The following CACNA2D2 variants were observed in gnomAD, a reference collection of about 807,000 sequenced individuals.
The protein encoded by CACNA2D2 is voltage-dependent calcium channel subunit alpha-2/delta-2.
A neutral mutation model predicts 166.4 loss-of-function variants in CACNA2D2; 48 were observed. That is an observed-to-expected ratio of 0.29 (90% CI 0.23 to 0.37). The LOEUF (loss-of-function observed/expected upper bound fraction) is 0.37. CACNA2D2 is among the 10% of genes least tolerant of loss of function. CACNA2D2 has a pLI of 1.00. For missense variants in CACNA2D2, 1,122 were observed against 1,433.0 expected (o/e 0.78, Z 3.50); for synonymous variants, 561 against 573.7 (o/e 0.98, Z 0.32).
intron 4 of CACNA2D2, among the ~76,000 whole-genome samples, chr3:50,393,400 G>C (rs1705981465): frequency 6.6e-6 from 1 of 152,232 alleles, no homozygotes; most frequent in Admixed American, 6.5e-5. Flanking sequence ...CTTGAATCCA[G>C]GAGGAGCCCT....
chr3:50,400,537 G>A (rs1706395099), intron 3 of CACNA2D2, among the ~76,000 whole-genome samples: 2 of 152,232 alleles, frequency 1.3e-5, no homozygotes, highest in African/African-American at 4.8e-5. Flanking sequence ...ACAACCTTCT[G>A]AGGGCATGTC....
In CACNA2D2 at chr3:50,365,686, G is replaced by A. The variant is rs762800194; in HGVS notation, c.2918C>T (p.Ser973Phe). ...LAWWTSAAAW[S>F]LFQQLLYGLI... ...GCCGTAGAGAAGCTGCTGGAACAGGGACCTGCAGCGCACGGGGAGCCGAGT... is the reference window on the plus strand; with the variant it reads ...GCCGTAGAGAAGCTGCTGGAACAGGAACCTGCAGCGCACGGGGAGCCGAGT... The change falls in exon 34 of 38, where the codon TCC becomes TTC. Residue 973 changes from serine to phenylalanine, a missense_variant and splice_region_variant. By Grantham distance (155) the Ser-to-Phe change is radical (BLOSUM62 -2). Transcript: ENST00000424201. This position sits in a 1 kb window ranked among gnomAD's most constrained non-coding sequence, Gnocchi z 4.5. 18 of 1,588,664 alleles carry A rather than the reference G, an allele frequency of 1.1e-5. No individual in the cohort carries two copies. The highest frequency in any genetic ancestry group is 1.5e-5 in the Non-Finnish European group (18 of 1,167,930).
At chr3:50,458,610 T>C (rs1709467644) in intron 2 of CACNA2D2, among the ~76,000 whole-genome samples, 1 of 152,156 alleles carries the variant, frequency 6.6e-6, no homozygotes, top group African/African-American at 2.4e-5. Flanking sequence ...ACAAGAGAAG[T>C]GAAAGCAATG....
At position 50,380,918 on chromosome 3, in the gene CACNA2D2, T is replaced by C; in HGVS notation, c.784+77A>G. Reference sequence around the variant, plus strand: ...ACTACAGAGAAGCCACCCCGCCCCATGCCCCCAGGATGGGTGGGCTGGTAG... The same window carrying C: ...ACTACAGAGAAGCCACCCCGCCCCACGCCCCCAGGATGGGTGGGCTGGTAG... On this transcript the variant is annotated intron_variant, in intron 7 of 37. Coordinates refer to ENST00000424201, the MANE Select transcript of CACNA2D2 (RefSeq NM_006030.4). The surrounding 1 kb of genome is among the most constrained non-coding windows in gnomAD (Gnocchi z 4.9). 6.3e-7 allele frequency: 1 copy of C among 1,582,606 alleles called. No individual in the cohort carries two copies. The highest frequency in any genetic ancestry group is 1.3e-5 in the African/African-American group (1 of 74,414).
Position 50,364,684 on chromosome 3 carries a change from G to A in CACNA2D2, c.3414C>T (p.His1138=), listed in dbSNP as rs753961883. ...AGGGTGCTCAGAGGCGGCGAGAGGC[G>A]TGGACGAGGACTTGAGGCTGCGGCC... ...PPRPQPQVLV[H]ASRRL The change falls in exon 38 of 38, where the codon CAC becomes CAT. Residue 1138 remains histidine, a synonymous_variant. Coordinates refer to ENST00000424201, the MANE Select transcript of CACNA2D2 (RefSeq NM_006030.4). 5 of 1,536,610 alleles carry A rather than the reference G, an allele frequency of 3.3e-6. No individual in the cohort carries two copies. In the South Asian group the frequency reaches 6.0e-5, roughly 18 times the overall value.
At chr3:50,470,599 CGGGGGGGGGGGGT>C (rs1710032422) in intron 2 of CACNA2D2, among the ~76,000 whole-genome samples, 1 of 87,488 alleles carries the variant, frequency 1.1e-5, no homozygotes, top group South Asian at 5.0e-4. Flanking sequence ...GGGGAGGGGG[CGGGGGGGGGGGGT>C]GGTGGTCAAG....
chr3:50,473,260 G>C (rs1241835013), intron 2 of CACNA2D2, among the ~76,000 whole-genome samples: 1 of 152,234 alleles, frequency 6.6e-6, no homozygotes, highest in Non-Finnish European at 1.5e-5. Flanking sequence ...GGGGGTTATG[G>C]TGAGGTCAGG....
chr3:50,431,913 A>G (rs1324757756), intron 3 of CACNA2D2, among the ~76,000 whole-genome samples: 1 of 143,276 alleles, frequency 7.0e-6, no homozygotes. Flanking sequence ...TGAACTCAGG[A>G]GATGGAGGTT....
At chr3:50,431,980 C>CA (rs57712165) in intron 3 of CACNA2D2, among the ~76,000 whole-genome samples, 10,517 of 91,868 alleles carry the variant, frequency 0.11, 721 homozygotes, top group Non-Finnish European at 0.17. Context: ...GTGTCTGTCT[C>CA]AAAAAAAAAA....
chr3:50,377,717 C>G lies in CACNA2D2; in HGVS notation c.1551+15G>C. On this transcript the variant is annotated intron_variant, in intron 16 of 37. Coordinates refer to ENST00000424201, the MANE Select transcript of CACNA2D2 (RefSeq NM_006030.4). ...CCCAGGCACACCCATAGCCCCAACCCTCCCCTTTCCTCACCTTCTTTTCCC... is the reference window on the plus strand; with the variant it reads ...CCCAGGCACACCCATAGCCCCAACCGTCCCCTTTCCTCACCTTCTTTTCCC... 2 of 1,607,916 alleles carry G rather than the reference C, an allele frequency of 1.2e-6. No homozygotes were observed. Among genetic ancestry groups the G allele is most frequent in the Non-Finnish European group, 1.7e-6 (2 of 1,176,442 alleles).
chr3:50,434,347 T>C lies in CACNA2D2; in HGVS notation c.371A>G (p.Glu124Gly). 6.2e-7 allele frequency: 1 copy of C among 1,613,966 alleles called. No individual in the cohort carries two copies. Among genetic ancestry groups the C allele is most frequent in the South Asian group, 1.1e-5 (1 of 91,066 alleles). Residue 124 changes from glutamate to glycine, a missense_variant, in exon 3 of 38, where the codon GAG (glutamate) becomes GGG (glycine). By Grantham distance (98) the Glu-to-Gly change is moderately conservative (BLOSUM62 -2). Transcript: ENST00000424201. Reference protein sequence around the residue: ...KLVEKVAGDIESLLDRKVQAL... With the variant: ...KLVEKVAGDIGSLLDRKVQAL... ...CTGCACCTTCCTGTCCAGAAGGCTC[T>C]CAATGTCCCCTGCCACCTTCTCCAC... is the stretch of plus-strand genomic sequence containing the variant.
chr3:50,476,224 T>G (rs1377565626), intron 1 of CACNA2D2, 25 bp from the exon 2 acceptor site: 2 of 1,558,278 alleles, frequency 1.3e-6, no homozygotes, highest in Admixed American at 3.7e-5. Flanking sequence ...AGGAGAGAGG[T>G]GTCAGGAGGG....
intron 1 of CACNA2D2, among the ~76,000 whole-genome samples, chr3:50,484,764 G>C (rs1189577152): frequency 6.6e-6 from 1 of 152,232 alleles, no homozygotes; most frequent in East Asian, 1.9e-4. Context: ...CTCTGCCTTG[G>C]GCTGTGAGCC....
intron 1 of CACNA2D2, 24 bp downstream of exon 1, chr3:50,503,194 T>C (rs1699056801): frequency 8.5e-7 from 1 of 1,174,590 alleles, no homozygotes; most frequent in African/African-American, 1.6e-5. Flanking sequence ...GGCCGGGGTC[T>C]CGCGGCCGGC....
At chr3:50,500,650 G>A (rs746134462) in intron 1 of CACNA2D2, among the ~76,000 whole-genome samples, 5 of 152,068 alleles carry the variant, frequency 3.3e-5, no homozygotes, top group African/African-American at 7.3e-5. Flanking sequence ...ACACCCAGCC[G>A]GACAAGTGCA....
At chr3:50,503,170 G>T in intron 1 of CACNA2D2, 48 bp downstream of exon 1, 1 of 1,110,936 alleles carries the variant, frequency 9.0e-7, no homozygotes, top group South Asian at 4.4e-5. Context: ...GGGGCAGAGC[G>T]GGGCGCAAGG....
intron 23 of CACNA2D2, among the ~76,000 whole-genome samples, chr3:50,369,741 G>A (rs900142268): frequency 3.3e-5 from 5 of 152,202 alleles, no homozygotes; most frequent in East Asian, 1.9e-4. Flanking sequence ...CGTGCACTCC[G>A]GGATGGTCCA....
chr3:50,408,603 C>T (rs1473599266), intron 3 of CACNA2D2, among the ~76,000 whole-genome samples: 1 of 152,252 alleles, frequency 6.6e-6, no homozygotes, highest in Non-Finnish European at 1.5e-5. Context: ...GGAGTAAAGG[C>T]GGCCAGTGGG....
intron 1 of CACNA2D2, among the ~76,000 whole-genome samples, chr3:50,499,199 TG>T (rs1698853358): frequency 6.6e-6 from 1 of 152,158 alleles, no homozygotes; most frequent in South Asian, 2.1e-4. Flanking sequence ...GGAAGGCCTC[TG>T]GAAGGTTCGG....
Sources: allele counts gnomAD v4.1 joint callset (sites outside exome capture counted in the v4.1 genomes callset), GRCh38; gene constraint gnomAD v4.1.1; non-coding constraint Gnocchi (gnomAD v3.1); transcripts MANE v1.5; gene names NCBI Gene and HGNC (gene_info 2026-07-23, HGNC 2026-07-21).